CALY: variants seen among roughly 807,000 people sequenced by gnomAD.
CALY encodes the protein neuron-specific vesicular protein calcyon.
A neutral mutation model predicts 20.2 loss-of-function variants in CALY; 15 were observed. That is an observed-to-expected ratio of 0.74 (90% CI 0.50 to 1.14). The LOEUF is 1.14. Among genes scored for constraint, CALY ranks in the 50% most tolerant of loss-of-function variants. The pLI, the probability that CALY is intolerant of heterozygous loss-of-function variation, is 0.00. For synonymous variants in CALY, 129 were observed against 131.8 expected (o/e 0.98, Z 0.15); for missense variants, 270 against 304.4 (o/e 0.89, Z 0.84).
At chr10:133,327,456 G>C in intron 3 of CALY, 1 of 549,100 alleles carries the variant, frequency 1.8e-6, no homozygotes, top group Non-Finnish European at 3.2e-6. Context: ...GTCTACTGGA[G>C]AATGGAAGGC....
At chr10:133,334,666 G>A (rs1410858347) in intron 1 of CALY, among the ~76,000 whole-genome samples, 1 of 151,850 alleles carries the variant, frequency 6.6e-6, no homozygotes, top group African/African-American at 2.4e-5. Flanking sequence ...CTTCTGCGTG[G>A]GGAAAGAACT....
At chr10:133,327,618 C>A in intron 3 of CALY, 1 of 597,784 alleles carries the variant, frequency 1.7e-6, no homozygotes, top group Non-Finnish European at 3.0e-6. Flanking sequence ...AGACAATGAC[C>A]CACTGGGCAA....
Position 133,335,011 on chromosome 10 carries a change from G to C in CALY, c.-21+1823C>G, listed in dbSNP as rs569580436. ...CGGGCGAGGTTTCACGGTGCAGCCA[G>C]CGTCCGTGTGTGTGCAGGCGGAGAC... On this transcript the variant is annotated intron_variant, in intron 1 of 5. Transcript: ENST00000252939. Among the ~76,000 whole-genome samples the C allele has an allele frequency of 2.5e-3, 387 of 152,318 alleles. 1 individual carries two copies. Among genetic ancestry groups the C allele is most frequent in the Middle Eastern group, 6.8e-3 (2 of 294 alleles).
At chr10:133,334,119 G>A (rs202095942) in intron 1 of CALY, among the ~76,000 whole-genome samples, 1 of 29,760 alleles carries the variant, frequency 3.4e-5, no homozygotes, top group Non-Finnish European at 6.3e-5. Flanking sequence ...AGGATCTGAG[G>A]GGGGAAGGCT....
intron 1 of CALY, among the ~76,000 whole-genome samples, chr10:133,332,253 C>T (rs1364383018): frequency 2.0e-5 from 3 of 152,166 alleles, no homozygotes; most frequent in Admixed American, 6.5e-5. Flanking sequence ...ACACACTTTG[C>T]ACACACAGAC....
At chr10:133,335,073 C>T (rs1848413573) in intron 1 of CALY, among the ~76,000 whole-genome samples, 1 of 152,082 alleles carries the variant, frequency 6.6e-6, no homozygotes, top group African/African-American at 2.4e-5. Context: ...CAGGAGCGAT[C>T]GGTGGAAGCA....
intron 3 of CALY, chr10:133,327,615 G>T: frequency 1.7e-6 from 1 of 597,816 alleles, no homozygotes; most frequent in Non-Finnish European, 3.0e-6. Context: ...ATGAGACAAT[G>T]ACCCACTGGG....
rs931850921 is a variant in CALY, at chr10:133,325,904, C to T, written c.577G>A (p.Gly193Arg). ...GAAAAATEPP[G>R]KPSAKAEKEA... is the part of the protein sequence containing the mutation. ...TTCTCCGCCTTGGCCGACGGCTTCCCGGGGGGTTCGGTGGCCGCCGCCGCC... is the reference window on the plus strand; with the variant it reads ...TTCTCCGCCTTGGCCGACGGCTTCCTGGGGGGTTCGGTGGCCGCCGCCGCC... Residue 193 changes from glycine to arginine, a missense_variant, in exon 5 of 6, where the codon GGG (glycine) becomes AGG (arginine). Gly to Arg is a moderately radical substitution (Grantham distance 125). Coordinates refer to ENST00000252939, the MANE Select transcript of CALY (RefSeq NM_015722.4). The T allele has an allele frequency of 7.7e-7, 1 of 1,291,970 alleles. No homozygotes were observed. Among genetic ancestry groups the T allele is most frequent in the Non-Finnish European group, 9.8e-7 (1 of 1,018,824 alleles). 80.0% of individuals were successfully genotyped at this position (1,291,970 alleles called of 1,614,324 possible). A position where few individuals can be genotyped will look rare whatever the true frequency, so the allele number is the denominator to read the frequency against.
At chr10:133,328,815 G>T (rs182655149) in intron 2 of CALY, 40 bp downstream of exon 2, 13 of 1,520,646 alleles carry the variant, frequency 8.5e-6, no homozygotes, top group Admixed American at 6.1e-5. Context: ...TGTTCCCAGG[G>T]GAGCCTGAGA....
intron 3 of CALY, chr10:133,327,573 G>A: frequency 1.7e-6 from 1 of 588,670 alleles, no homozygotes; most frequent in Non-Finnish European, 3.0e-6. Flanking sequence ...CAGAAAGGAA[G>A]TATTACATAG....
chr10:133,326,677 CAAG>C (rs1217966636), intron 4 of CALY, among the ~76,000 whole-genome samples, 198 bp downstream of exon 4: 3 of 152,172 alleles, frequency 2.0e-5, no homozygotes, highest in African/African-American at 4.8e-5. Context: ...TTTTAAATTA[CAAG>C]AAGAGAAACC....
Position 133,324,482 on chromosome 10 carries a change from G to A in CALY, c.*1113C>T. 2.3e-6 allele frequency: 1 copy of A among 443,506 alleles called. No homozygotes were observed. The highest frequency in any genetic ancestry group is 2.4e-5 in the Admixed American group (1 of 41,494). 27.5% of individuals were successfully genotyped at this position (443,506 alleles called of 1,614,324 possible). On this transcript the variant is annotated 3_prime_UTR_variant, in exon 6 of 6. Coordinates refer to ENST00000252939, the MANE Select transcript of CALY (RefSeq NM_015722.4). ...GTCGGGGGCTGGGGTGGGCGGGGCT[G>A]CAGAGCCGCTGCTGGCTGGGGTGGG...
chr10:133,327,040 T>G, intron 3 of CALY, 49 bp from the exon 4 acceptor site: 77 of 1,315,538 alleles, frequency 5.9e-5, no homozygotes, highest in Middle Eastern at 1.9e-4. Flanking sequence ...AGGGGCGGTC[T>G]TTGTGGGGAG....
chr10:133,326,368 C>T (rs1848210572), intron 4 of CALY: 3 of 1,125,296 alleles, frequency 2.7e-6, no homozygotes, highest in Admixed American at 2.0e-5. Flanking sequence ...ACCTGCCCAG[C>T]GCAGCAAGGA....
intron 1 of CALY, among the ~76,000 whole-genome samples, chr10:133,333,517 G>A (rs540490851): frequency 6.6e-6 from 1 of 151,506 alleles, no homozygotes; most frequent in Non-Finnish European, 1.5e-5. Context: ...GGGATCCGAG[G>A]GTGGAAGGAT....
At chr10:133,334,171 A>G (rs1848381983) in intron 1 of CALY, among the ~76,000 whole-genome samples, 1 of 3,136 alleles carries the variant, frequency 3.2e-4, no homozygotes, top group Non-Finnish European at 6.2e-4. Context: ...TGAGGGGGGA[A>G]GGACATGAGG....
At chr10:133,325,758 A>C in intron 5 of CALY, 41 bp downstream of exon 5, 1 of 923,652 alleles carries the variant, frequency 1.1e-6, no homozygotes, top group Non-Finnish European at 1.4e-6. Context: ...CCAGGAAGAG[A>C]CCTGGGCAGA....
intron 1 of CALY, among the ~76,000 whole-genome samples, chr10:133,330,010 G>C (rs1449297275): frequency 6.6e-6 from 1 of 152,240 alleles, no homozygotes. Context: ...AGGGCCCCGC[G>C]GGGCTGGGAG....
rs1018613874 is a variant in CALY at position 133,328,977 on chromosome 10, C to T, written c.13G>A (p.Gly5Ser). MVKL[G>S]CSFSGKPGKD... ...CCTGGCTTCCCAGAGAAGCTGCAGC[C>T]CAGCTTCACCATGGTGGATGGCAGT... is the stretch of plus-strand genomic sequence containing the variant. The change falls in exon 2 of 6, where the codon GGC (glycine) becomes AGC (serine). Residue 5 changes from glycine to serine, a missense_variant. Transcript: ENST00000252939. 69 of 1,563,362 alleles carry T rather than the reference C, an allele frequency of 4.4e-5. No homozygotes were observed. Among genetic ancestry groups the T allele is most frequent in the Non-Finnish European group, 5.8e-5 (67 of 1,153,106 alleles).
Sources: gnomAD v4.1 joint callset for allele counts (sites outside exome capture counted in the v4.1 genomes callset) on GRCh38, gnomAD v4.1.1 for gene constraint, MANE v1.5 for transcripts, NCBI Gene and HGNC (gene_info 2026-07-23, HGNC 2026-07-21) for gene names.